PDGFC: variants seen among roughly 807,000 people sequenced by gnomAD.
PDGFC encodes the protein platelet derived growth factor C.
PDGFC carries 12 observed loss-of-function variants against 35.5 expected under a neutral mutation model. The ratio of observed to expected loss-of-function variants is 0.34; its 90% CI spans 0.22 to 0.55. The LOEUF is 0.55. PDGFC is among the 20% of genes least tolerant of loss of function. PDGFC has a pLI of 0.91. For missense variants in PDGFC, 322 were observed against 412.4 expected (o/e 0.78, Z 1.90); for synonymous variants, 159 against 148.8 (o/e 1.07, Z -0.50).
At chr4:156,906,788 T>C (rs1730925168) in intron 1 of PDGFC, among the ~76,000 whole-genome samples, 1 of 152,134 alleles carries the variant, frequency 6.6e-6, no homozygotes, top group Non-Finnish European at 1.5e-5. Flanking sequence ...CAAAAATTAA[T>C]AAAAGTTAAT....
At chr4:156,800,734 C>A (rs1731581751) in intron 3 of PDGFC, among the ~76,000 whole-genome samples, 1 of 152,098 alleles carries the variant, frequency 6.6e-6, no homozygotes, top group Non-Finnish European at 1.5e-5. Context: ...AATAGCTCAT[C>A]AATATTGAAA....
intron 1 of PDGFC, among the ~76,000 whole-genome samples, chr4:156,960,551 G>A (rs553022177): frequency 3.3e-5 from 5 of 151,660 alleles, no homozygotes; most frequent in African/African-American, 9.6e-5. Flanking sequence ...TAAAAGTAAA[G>A]TCAATAATAA....
chr4:156,886,242 T>C (rs146995835), intron 1 of PDGFC, among the ~76,000 whole-genome samples: 2 of 152,286 alleles, frequency 1.3e-5, no homozygotes, highest in African/African-American at 4.8e-5. Context: ...AATAACATTG[T>C]GGGAAGGGCA....
chr4:156,906,361 T>C (rs916527989), intron 1 of PDGFC, among the ~76,000 whole-genome samples: 2 of 152,162 alleles, frequency 1.3e-5, no homozygotes, highest in Non-Finnish European at 2.9e-5. Flanking sequence ...AATTCTTGAA[T>C]GTTTATGGCT....
chr4:156,865,684 A>C (rs1236467603), intron 1 of PDGFC, among the ~76,000 whole-genome samples: 1 of 152,190 alleles, frequency 6.6e-6, no homozygotes, highest in Non-Finnish European at 1.5e-5. Context: ...AAAAGTAATA[A>C]AAATCGTGAA....
At chr4:156,840,584 C>T (rs1417021476) in intron 2 of PDGFC, among the ~76,000 whole-genome samples, 1 of 152,204 alleles carries the variant, frequency 6.6e-6, no homozygotes, top group Non-Finnish European at 1.5e-5. Context: ...CACTGGGGCA[C>T]TGCCTAGTGG....
At chr4:156,788,509 G>C (rs1345964676) in intron 3 of PDGFC, among the ~76,000 whole-genome samples, 1 of 152,168 alleles carries the variant, frequency 6.6e-6, no homozygotes, top group Non-Finnish European at 1.5e-5. Flanking sequence ...GCAATTGGCT[G>C]TCTTCACAAT....
At chr4:156,904,758 T>C (rs1730874118) in intron 1 of PDGFC, among the ~76,000 whole-genome samples, 1 of 152,116 alleles carries the variant, frequency 6.6e-6, no homozygotes, top group Non-Finnish European at 1.5e-5. Context: ...TTAGGTTCAC[T>C]AACCCTTTAT....
chr4:156,875,365 G>A (rs943206631), intron 1 of PDGFC, among the ~76,000 whole-genome samples: 1 of 152,054 alleles, frequency 6.6e-6, no homozygotes, highest in Non-Finnish European at 1.5e-5. Context: ...ACTGAGAACT[G>A]GGCTGAATCT....
intron 1 of PDGFC, among the ~76,000 whole-genome samples, chr4:156,952,519 A>T (rs1206302813): frequency 2.6e-5 from 4 of 151,864 alleles, no homozygotes; most frequent in African/African-American, 9.7e-5. Context: ...CTATGCTTTA[A>T]CCTGGTATCT....
chr4:156,812,744 C>G (rs1731972389), intron 2 of PDGFC, among the ~76,000 whole-genome samples: 1 of 152,146 alleles, frequency 6.6e-6, no homozygotes, highest in Middle Eastern at 3.4e-3. Flanking sequence ...GGGAATAATG[C>G]TACCTAACTC....
intron 2 of PDGFC, among the ~76,000 whole-genome samples, chr4:156,837,495 G>A (rs1170913091): frequency 2.0e-5 from 3 of 151,974 alleles, no homozygotes; most frequent in Non-Finnish European, 4.4e-5. Flanking sequence ...TATTTCTTTG[G>A]TTCTAGAAAT....
chr4:156,829,319 G>A (rs772959124), intron 2 of PDGFC, among the ~76,000 whole-genome samples: 3 of 152,166 alleles, frequency 2.0e-5, no homozygotes, highest in Non-Finnish European at 2.9e-5. Context: ...TTCACATAAA[G>A]GGAAGCAGCA....
At chr4:156,816,982 A>G (rs985906034) in intron 2 of PDGFC, among the ~76,000 whole-genome samples, 1 of 152,194 alleles carries the variant, frequency 6.6e-6, no homozygotes, top group Admixed American at 6.5e-5. Flanking sequence ...TTCTTTATGA[A>G]GAGTTTTAAC....
intron 1 of PDGFC, among the ~76,000 whole-genome samples, chr4:156,881,914 C>G (rs921052201): frequency 1.3e-5 from 2 of 151,720 alleles, no homozygotes; most frequent in African/African-American, 4.8e-5. Flanking sequence ...ATGACTTACT[C>G]CTGCTTGCCT....
chr4:156,844,653 A>T (rs1729282670), intron 2 of PDGFC, among the ~76,000 whole-genome samples: 1 of 150,676 alleles, frequency 6.6e-6, no homozygotes, highest in African/African-American at 2.5e-5. Flanking sequence ...GCCGGACAAA[A>T]ATAACCAAAA....
intron 1 of PDGFC, among the ~76,000 whole-genome samples, chr4:156,895,980 T>C (rs555557147): frequency 1.3e-5 from 2 of 152,230 alleles, no homozygotes; most frequent in African/African-American, 4.8e-5. Context: ...GGTAATTTAG[T>C]TAAATCTCCA....
chr4:156,845,136 A>G (rs1386853210), intron 2 of PDGFC, among the ~76,000 whole-genome samples: 1 of 151,908 alleles, frequency 6.6e-6, no homozygotes, highest in Non-Finnish European at 1.5e-5. Context: ...AATTGCTTCT[A>G]TATAATCTAT....
At chr4:156,969,285 G>A (rs1014928746) in intron 1 of PDGFC, among the ~76,000 whole-genome samples, 3 of 152,210 alleles carry the variant, frequency 2.0e-5, no homozygotes, top group African/African-American at 7.2e-5. Flanking sequence ...GGGTACAGCT[G>A]GTGCTGTGGC....
Sources: gnomAD v4.1 joint callset for allele counts (sites outside exome capture counted in the v4.1 genomes callset) on GRCh38, gnomAD v4.1.1 for gene constraint, MANE v1.5 for transcripts, NCBI Gene and HGNC (gene_info 2026-07-23, HGNC 2026-07-21) for gene names.